GRIK2: variants seen among roughly 807,000 people sequenced by gnomAD.
GRIK2 encodes the protein glutamate ionotropic receptor kainate type subunit 2.
In GRIK2, 32 loss-of-function variants were observed where a neutral mutation model predicts 100.3. The ratio of observed to expected loss-of-function variants is 0.32; its 90% CI spans 0.24 to 0.43. The LOEUF is 0.43. Ranked by LOEUF, GRIK2 falls within the 20% of genes least tolerant of loss-of-function variation. The pLI is 1.00. For missense variants in GRIK2, 843 were observed against 1,114.9 expected, an observed-to-expected ratio of 0.76 and a Z score of 3.47; for synonymous variants, 417 against 389.4, an observed-to-expected ratio of 1.07 and a Z score of -0.83.
chr6:102,067,869 A>G (rs1772094823), intron 16 of GRIK2, among the ~76,000 whole-genome samples: 1 of 151,882 alleles, frequency 6.6e-6, no homozygotes, highest in Non-Finnish European at 1.5e-5. Flanking sequence ...TGTGAGTGCT[A>G]TCTTTGTTTT....
chr6:101,495,288 G>A (rs550984540), intron 2 of GRIK2, among the ~76,000 whole-genome samples: 3 of 151,868 alleles, frequency 2.0e-5, no homozygotes, highest in East Asian at 2.0e-4. Flanking sequence ...GGTGGATCAC[G>A]AGGTTAGGAG....
At chr6:101,657,333 T>C (rs1183543169) in intron 4 of GRIK2, among the ~76,000 whole-genome samples, 1 of 152,174 alleles carries the variant, frequency 6.6e-6, no homozygotes. Flanking sequence ...CCTGCCGCCA[T>C]GTAAGATGTG....
intron 4 of GRIK2, among the ~76,000 whole-genome samples, chr6:101,654,646 A>G (rs965490634): frequency 6.6e-6 from 1 of 152,126 alleles, no homozygotes; most frequent in African/African-American, 2.4e-5. Flanking sequence ...TTACTGTACT[A>G]TTGCATTGGT....
intron 14 of GRIK2, among the ~76,000 whole-genome samples, chr6:101,961,569 G>C (rs1012836476): frequency 2.0e-5 from 3 of 152,102 alleles, no homozygotes; most frequent in Non-Finnish European, 4.4e-5. Context: ...TGCTGGGATG[G>C]AACCACACTC....
chr6:101,401,263 A>G (rs1469727047), intron 2 of GRIK2, among the ~76,000 whole-genome samples: 4 of 152,156 alleles, frequency 2.6e-5, no homozygotes, highest in Non-Finnish European at 4.4e-5. Flanking sequence ...TTGCAGCACA[A>G]TATTTGCTGA....
intron 15 of GRIK2, among the ~76,000 whole-genome samples, chr6:102,050,954 T>C (rs1033737654): frequency 3.3e-5 from 5 of 152,214 alleles, no homozygotes; most frequent in Non-Finnish European, 5.9e-5. Context: ...TAAGGAGTTT[T>C]AATCTATGTC....
intron 14 of GRIK2, among the ~76,000 whole-genome samples, chr6:102,004,776 G>T (rs2114278685): frequency 6.6e-6 from 1 of 151,830 alleles, no homozygotes; most frequent in African/African-American, 2.4e-5. Context: ...CTACTATGAA[G>T]GAGAGAAATG....
At chr6:101,679,900 A>C (rs1582947381) in intron 5 of GRIK2, among the ~76,000 whole-genome samples, 1 of 151,972 alleles carries the variant, frequency 6.6e-6, no homozygotes. Context: ...CACCACGCCC[A>C]GCGTATTTTT....
rs58680927 is a variant in GRIK2 at position 101,822,207 on chromosome 6, TACACACACACACAC to T, written c.1317+3748_1317+3761del. ...TGGCAGGAATTCATATGGAGAGTTT[TACACACACACACAC>T]ACACACACACACACACACACACAAA... is the stretch of plus-strand genomic sequence containing the variant. On this transcript the variant is annotated intron_variant, in intron 10 of 16. Coordinates refer to ENST00000369134, the MANE Select transcript of GRIK2 (RefSeq NM_021956.5). 2.2e-3 allele frequency among the ~76,000 whole-genome samples: 310 copies of T among 143,252 alleles called. 4 individuals carry two copies. Among genetic ancestry groups the T allele is most frequent in the Non-Finnish European group, 5.6e-4 (37 of 65,894 alleles). 94.0% of individuals were successfully genotyped at this position (143,252 alleles called of 152,430 possible). A position where few individuals can be genotyped will look rare whatever the true frequency, so the allele number is the denominator to read the frequency against.
chr6:101,880,362 ATCT>A (rs1786162586), intron 11 of GRIK2, among the ~76,000 whole-genome samples: 2 of 152,056 alleles, frequency 1.3e-5, no homozygotes, highest in African/African-American at 4.8e-5. Flanking sequence ...TATTCCATAA[ATCT>A]TCTCCTAACC....
At position 101,866,163 on chromosome 6, in the gene GRIK2, A is replaced by T. The variant is rs1013580613; in HGVS notation, c.1524+6670A>T. ...ATAATGTTGAAGTGCCTTCCTCACC[A>T]TAATTGTCTTGATTTAGTATTTTCC... On this transcript the variant is annotated intron_variant, in intron 11 of 16. Coordinates refer to ENST00000369134, the MANE Select transcript of GRIK2 (RefSeq NM_021956.5). Among the ~76,000 whole-genome samples the T allele has an allele frequency of 6.6e-5, 10 of 152,204 alleles. 1 individual carries two copies. Among genetic ancestry groups the T allele is most frequent in the Admixed American group, 5.9e-4 (9 of 15,282 alleles).
At chr6:101,579,503 T>G (rs1421648513) in intron 2 of GRIK2, among the ~76,000 whole-genome samples, 1 of 152,046 alleles carries the variant, frequency 6.6e-6, no homozygotes, top group South Asian at 2.1e-4. Context: ...TCTTTCTTTT[T>G]CTTTTTCTTC....
At chr6:101,973,426 C>T (rs1487933804) in intron 14 of GRIK2, among the ~76,000 whole-genome samples, 2 of 151,836 alleles carry the variant, frequency 1.3e-5, no homozygotes, top group Non-Finnish European at 2.9e-5. Flanking sequence ...AATGCAAGAA[C>T]ATAAAGATCT....
chr6:102,062,807 C>T (rs552618004), intron 16 of GRIK2, among the ~76,000 whole-genome samples: 107 of 150,552 alleles, frequency 7.1e-4, no homozygotes, highest in African/African-American at 1.6e-3. Context: ...AAAAATTTAA[C>T]GGGTCACATT....
At chr6:101,927,285 A>G (rs1469500213) in intron 13 of GRIK2, 7 of 584,594 alleles carry the variant, frequency 1.2e-5, no homozygotes, top group East Asian at 1.4e-4. Flanking sequence ...TTTTTATTCC[A>G]TCTAAAGATG....
At chr6:101,818,698 T>C (rs529327586) in intron 10 of GRIK2, among the ~76,000 whole-genome samples, 5 of 152,308 alleles carry the variant, frequency 3.3e-5, no homozygotes, top group Admixed American at 1.3e-4. Flanking sequence ...TTATGTTGAC[T>C]AATAATACAG....
chr6:101,564,393 A>G (rs1777156391), intron 2 of GRIK2, among the ~76,000 whole-genome samples: 1 of 152,156 alleles, frequency 6.6e-6, no homozygotes, highest in Non-Finnish European at 1.5e-5. Flanking sequence ...CAGAAGTGAG[A>G]CTGTATCAAA....
chr6:101,612,723 T>C (rs1260505824), intron 2 of GRIK2, among the ~76,000 whole-genome samples: 1 of 91,526 alleles, frequency 1.1e-5, no homozygotes, highest in African/African-American at 6.3e-5. Context: ...TTAATGTGTG[T>C]GTGTGTGTGT....
intron 11 of GRIK2, among the ~76,000 whole-genome samples, chr6:101,867,314 T>C (rs1785112257): frequency 6.6e-6 from 1 of 152,056 alleles, no homozygotes; most frequent in South Asian, 2.1e-4. Context: ...TCTGTGATTA[T>C]AATCTCAGAC....
Sources: gnomAD v4.1 joint callset for allele counts (sites outside exome capture counted in the v4.1 genomes callset) on GRCh38, gnomAD v4.1.1 for gene constraint, MANE v1.5 for transcripts, NCBI Gene and HGNC (gene_info 2026-07-23, HGNC 2026-07-21) for gene names.